Variants in ZC3H18 observed in about 807,000 individuals in gnomAD.
The protein encoded by ZC3H18 is zinc finger CCCH-type containing 18, also known as zinc finger CCCH domain-containing protein 18.
In ZC3H18, 8 loss-of-function variants were observed where a neutral mutation model predicts 106.1. The ratio of observed to expected loss-of-function variants is 0.08; its 90% CI spans 0.04 to 0.14. The LOEUF is 0.14. ZC3H18 is among the 10% of genes least tolerant of loss of function. The pLI, the probability that ZC3H18 is intolerant of heterozygous loss-of-function variation, is 1.00. For synonymous variants in ZC3H18, 635 were observed against 522.1 expected, an observed-to-expected ratio of 1.22 and a Z score of -2.95; for missense variants, 1,318 against 1,278.4, an observed-to-expected ratio of 1.03 and a Z score of -0.47.
Position 88,624,545 on chromosome 16 carries a change from A to G in ZC3H18, c.1899-57A>G, listed in dbSNP as rs527586882. The G allele has an allele frequency of 2.5e-6, 4 of 1,611,386 alleles. No individual in the cohort carries two copies. The South Asian group carries it at 3.3e-5, about 13-fold the overall frequency. ...CTGTGGGTCCATTGAAAGGGGATGT[A>G]GGCCAGCGGGGCCCCGTCCACCAGC... On this transcript the variant is annotated intron_variant, in intron 11 of 17. Coordinates refer to ENST00000301011, the MANE Select transcript of ZC3H18 (RefSeq NM_144604.4).
Position 88,586,693 on chromosome 16 carries a change from C to G in ZC3H18, c.688+9C>G, listed in dbSNP as rs757492375. The G allele has an allele frequency of 6.2e-7, 1 of 1,613,270 alleles. No individual in the cohort carries two copies. Among genetic ancestry groups the G allele is most frequent in the African/African-American group, 1.3e-5 (1 of 75,042 alleles). ...CCGGTTCTTCATGAAAGGTAATTGT[C>G]TGCGTGTGAGGCCTTCTCGCAGCCA... On this transcript the variant is annotated intron_variant, in intron 3 of 17. Coordinates refer to ENST00000301011, the MANE Select transcript of ZC3H18 (RefSeq NM_144604.4).
In ZC3H18 at chr16:88,627,890, C is replaced by A; in HGVS notation, c.2270-30C>A. 2 of 1,613,492 alleles carry A rather than the reference C, an allele frequency of 1.2e-6. No homozygotes were observed. Among genetic ancestry groups the A allele is most frequent in the Admixed American group, 1.7e-5 (1 of 60,024 alleles). On this transcript the variant is annotated intron_variant, in intron 14 of 17. Transcript: ENST00000301011. This position sits in a 1 kb window ranked among gnomAD's most constrained non-coding sequence, Gnocchi z 4.5. ...TGTGGCCATGGGAAAATCACCAGTA[C>A]CCCCATGACTGCGGATTTATCATTG...
At chr16:88,582,242 T>TTTC (rs58444422) in intron 2 of ZC3H18, among the ~76,000 whole-genome samples, 3 of 135,936 alleles carry the variant, frequency 2.2e-5, no homozygotes, top group Non-Finnish European at 4.9e-5. Context: ...TTTTTTTTTT[T>TTTC]GAGATGGAGT....
Position 88,572,460 on chromosome 16 carries a change from G to A in ZC3H18, c.-15+1894G>A, listed in dbSNP as rs78555682. ...TAGTTCCTCAATTAACGAGTTTTTT[G>A]TCATGTATTCAACAAATATCTATCA... is the stretch of plus-strand genomic sequence containing the variant. On this transcript the variant is annotated intron_variant, in intron 1 of 17. Transcript: ENST00000301011. Among the ~76,000 whole-genome samples the A allele has an allele frequency of 7.2e-4, 109 of 151,896 alleles. 1 individual carries two copies. Among genetic ancestry groups the A allele is most frequent in the African/African-American group, 2.4e-3 (100 of 41,450 alleles).
chr16:88,625,662 G>C (rs145147113), intron 13 of ZC3H18: 2,964 of 205,572 alleles, frequency 0.014, 51 homozygotes, highest in Non-Finnish European at 0.02. Flanking sequence ...CCGGCCTGAG[G>C]GGGTGGGGAA....
chr16:88,603,195 T>C lies in ZC3H18; in HGVS notation c.1088+3247T>C, dbSNP rs529840991. 3.3e-5 allele frequency among the ~76,000 whole-genome samples: 5 copies of C among 152,080 alleles called. No individual in the cohort carries two copies. In the East Asian group the frequency reaches 9.8e-4, roughly 30 times the overall value. The stretch of plus-strand genomic sequence containing the variant: ...TTAGCCAGGAATGGCCTCAATCTCT[T>C]GACCTCGTGATCTGCCTGCCTCGGC... On this transcript the variant is annotated intron_variant, in intron 6 of 17. Coordinates refer to ENST00000301011, the MANE Select transcript of ZC3H18 (RefSeq NM_144604.4).
intron 5 of ZC3H18, among the ~76,000 whole-genome samples, chr16:88,599,140 G>A (rs748919475): frequency 6.6e-5 from 10 of 152,228 alleles, no homozygotes; most frequent in Admixed American, 1.3e-4. Flanking sequence ...CACCCCAGCT[G>A]GCACTGCCCA....
At chr16:88,583,710 G>T (rs192982901) in intron 2 of ZC3H18, among the ~76,000 whole-genome samples, 39 of 152,286 alleles carry the variant, frequency 2.6e-4, no homozygotes, top group South Asian at 1.2e-3. Flanking sequence ...GCTTCAGATG[G>T]GTGCACTGAG....
In ZC3H18 at chr16:88,631,889, G is replaced by C. The variant is rs376003984; in HGVS notation, c.*590G>C. 8 of 297,086 alleles carry C rather than the reference G, an allele frequency of 2.7e-5. No individual in the cohort carries two copies. In the East Asian group the frequency reaches 5.9e-4, roughly 22 times the overall value. 18.4% of individuals were successfully genotyped at this position (297,086 alleles called of 1,614,324 possible). ...AGAAAAGACCAAAAAAAGGCCAAGG[G>C]TGTTGTTGGGGCGTCTGTCTAATGT... On this transcript the variant is annotated 3_prime_UTR_variant, in exon 18 of 18. Coordinates refer to ENST00000301011, the MANE Select transcript of ZC3H18 (RefSeq NM_144604.4).
At chr16:88,575,320 T>C (rs901257869) in intron 1 of ZC3H18, among the ~76,000 whole-genome samples, 1 of 152,076 alleles carries the variant, frequency 6.6e-6, no homozygotes, top group Non-Finnish European at 1.5e-5. Context: ...AATGTGTATG[T>C]GTATGACTTG....
At chr16:88,589,770 G>A (rs913827234) in intron 3 of ZC3H18, among the ~76,000 whole-genome samples, 27 of 152,210 alleles carry the variant, frequency 1.8e-4, no homozygotes, top group Middle Eastern at 6.8e-3. Flanking sequence ...CCACAGAGAC[G>A]GAAAGTAGAT....
At chr16:88,589,861 C>G (rs920120060) in intron 3 of ZC3H18, among the ~76,000 whole-genome samples, 1 of 152,194 alleles carries the variant, frequency 6.6e-6, no homozygotes, top group Admixed American at 6.5e-5. Flanking sequence ...ATGGAATGTT[C>G]TAGAACTAGC....
intron 8 of ZC3H18, among the ~76,000 whole-genome samples, chr16:88,621,259 C>T (rs1311043429): frequency 6.7e-6 from 1 of 149,048 alleles, no homozygotes; most frequent in Non-Finnish European, 1.5e-5. Context: ...GAGTCTCGCT[C>T]TGTCGCCCAG....
At chr16:88,588,596 C>T (rs1915570067) in intron 3 of ZC3H18, among the ~76,000 whole-genome samples, 1 of 152,114 alleles carries the variant, frequency 6.6e-6, no homozygotes, top group East Asian at 1.9e-4. Flanking sequence ...AAGGTGGTGC[C>T]CCCAAAGTTA....
chr16:88,586,574 C>T lies in ZC3H18; in HGVS notation c.604-26C>T, dbSNP rs116147102. 1.3e-4 allele frequency: 209 copies of T among 1,604,276 alleles called. No homozygotes were observed. The African/African-American group carries it at 1.8e-3, about 14-fold the overall frequency. On this transcript the variant is annotated intron_variant, in intron 2 of 17. Transcript: ENST00000301011. ...TGCTGATTGATAGATGCCTCCCCCA[C>T]GCTAAGACGGTGTTCTCTGTTTCAG...
At position 88,609,022 on chromosome 16, in the gene ZC3H18, A is replaced by C; in HGVS notation, c.1177A>C (p.Thr393Pro). Residue 393 changes from threonine to proline, a missense_variant, in exon 7 of 18, where the codon ACA becomes CCA. By Grantham distance (38) the Thr-to-Pro change is conservative. Around this residue, in one of 6 missense-constraint regions of ZC3H18, gnomAD observed 848 missense variants for 821.7 expected, o/e 1.03. Transcript: ENST00000301011. Reference protein sequence around the residue: ...GQYENFRVQYTETEPYHNYRE... With the variant: ...GQYENFRVQYPETEPYHNYRE... Reference sequence around the variant, plus strand: ...GTATGAGAATTTCAGGGTGCAGTATACAGAAACAGAGCCGTATCATAATTA... The same window carrying C: ...GTATGAGAATTTCAGGGTGCAGTATCCAGAAACAGAGCCGTATCATAATTA... 2 of 1,613,804 alleles carry C rather than the reference A, an allele frequency of 1.2e-6. No homozygotes were observed. The highest frequency in any genetic ancestry group is 1.7e-6 in the Non-Finnish European group (2 of 1,179,782).
intron 6 of ZC3H18, among the ~76,000 whole-genome samples, chr16:88,606,139 TG>T (rs1904999758): frequency 6.6e-6 from 1 of 152,254 alleles, no homozygotes; most frequent in East Asian, 1.9e-4. Context: ...ATTAACATTT[TG>T]GGTTCCCTAA....
At chr16:88,585,947 G>A (rs1412413236) in intron 2 of ZC3H18, among the ~76,000 whole-genome samples, 2 of 152,156 alleles carry the variant, frequency 1.3e-5, no homozygotes, top group Non-Finnish European at 2.9e-5. Flanking sequence ...CTGGGGTGGT[G>A]TAAGGAGGGG....
intron 2 of ZC3H18, 45 bp downstream of exon 2, chr16:88,577,771 G>T: frequency 6.2e-7 from 1 of 1,611,710 alleles, no homozygotes; most frequent in Non-Finnish European, 8.5e-7. Flanking sequence ...CTGCCCAGCA[G>T]CCTGACATAG....
Sources: gnomAD v4.1 joint callset for allele counts (sites outside exome capture counted in the v4.1 genomes callset) on GRCh38, gnomAD v4.1.1 for gene constraint, gnomAD v4.1.1 regional missense constraint, Gnocchi (gnomAD v3.1) non-coding constraint, MANE v1.5 for transcripts, NCBI Gene and HGNC (gene_info 2026-07-23, HGNC 2026-07-21) for gene names.